Variants in MARCHF7 observed in about 807,000 individuals in gnomAD.
MARCHF7 encodes E3 ubiquitin-protein ligase MARCHF7.
In MARCHF7, 20 loss-of-function variants were observed where a neutral mutation model predicts 76.5. That is an observed-to-expected ratio of 0.26 (90% CI 0.18 to 0.38). The LOEUF is 0.38. MARCHF7 is among the 10% of genes least tolerant of loss of function. The pLI is 1.00. For missense variants in MARCHF7, 797 were observed against 812.9 expected, an observed-to-expected ratio of 0.98 and a Z score of 0.24; for synonymous variants, 295 against 293.0, an observed-to-expected ratio of 1.01 and a Z score of -0.07.
chr2:159,756,230 G>T (rs1269118086), intron 8 of MARCHF7, among the ~76,000 whole-genome samples: 2 of 152,202 alleles, frequency 1.3e-5, no homozygotes, highest in East Asian at 3.8e-4. Context: ...GAGGAAAACA[G>T]ATAATACAGG....
intron 11 of MARCHF7, among the ~76,000 whole-genome samples, chr2:159,765,085 C>T (rs1391114912): frequency 2.0e-5 from 3 of 151,964 alleles, no homozygotes; most frequent in Non-Finnish European, 2.9e-5. Flanking sequence ...AGAGATTATT[C>T]CTGGGCTTAC....
In MARCHF7 at chr2:159,767,355, C is replaced by A; in HGVS notation, c.*13C>A. 1 of 1,589,646 alleles carries A rather than the reference C, an allele frequency of 6.3e-7. No individual in the cohort carries two copies. The highest frequency in any genetic ancestry group is 8.6e-7 in the Non-Finnish European group (1 of 1,158,844). ...TGATATTGCCTAACTTCATATAAGACAGATGGATGATCTGTGAACATAAGT... is the reference window on the plus strand; with the variant it reads ...TGATATTGCCTAACTTCATATAAGAAAGATGGATGATCTGTGAACATAAGT... On this transcript the variant is annotated 3_prime_UTR_variant, in exon 12 of 12. Transcript: ENST00000409175.
At chr2:159,741,066 A>G (rs930890998) in intron 4 of MARCHF7, among the ~76,000 whole-genome samples, 2 of 152,190 alleles carry the variant, frequency 1.3e-5, no homozygotes, top group African/African-American at 4.8e-5. Flanking sequence ...AATAAAGTAT[A>G]AATAGTAATG....
In MARCHF7 at chr2:159,752,387, T is replaced by G; in HGVS notation, c.1614-15T>G. 1.9e-6 allele frequency: 3 copies of G among 1,561,888 alleles called. No individual in the cohort carries two copies. The highest frequency in any genetic ancestry group is 2.6e-6 in the Non-Finnish European group (3 of 1,155,628). ...TGAGTTATGATAGCTTTGGGAAATG[T>G]GCCTTCTTTTCCAGCCTCCTTTTAG... On this transcript the variant is annotated splice_polypyrimidine_tract_variant and intron_variant, in intron 7 of 11. Transcript: ENST00000409175.
intron 8 of MARCHF7, among the ~76,000 whole-genome samples, chr2:159,754,827 G>A (rs577925498): frequency 3.3e-5 from 5 of 152,284 alleles, no homozygotes; most frequent in Middle Eastern, 3.4e-3. Context: ...TGTTTTCTTA[G>A]AGGTAAGGTC....
At chr2:159,720,503 A>G (rs1701518151) in intron 3 of MARCHF7, among the ~76,000 whole-genome samples, 1 of 152,088 alleles carries the variant, frequency 6.6e-6, no homozygotes, top group African/African-American at 2.4e-5. Context: ...AAACACACTA[A>G]GCATAGTTTT....
intron 2 of MARCHF7, among the ~76,000 whole-genome samples, chr2:159,715,112 C>T (rs750613211): frequency 6.6e-6 from 1 of 152,108 alleles, no homozygotes; most frequent in Non-Finnish European, 1.5e-5. Flanking sequence ...TTAGACTTTA[C>T]TTTTAAACAA....
At chr2:159,756,173 T>C (rs755979683) in intron 8 of MARCHF7, among the ~76,000 whole-genome samples, 7 of 152,162 alleles carry the variant, frequency 4.6e-5, no homozygotes, top group East Asian at 1.9e-4. Context: ...AACAACAACT[T>C]GACTCAACTT....
At chr2:159,756,464 A>ATT (rs1706305002) in intron 8 of MARCHF7, among the ~76,000 whole-genome samples, 1 of 152,092 alleles carries the variant, frequency 6.6e-6, no homozygotes, top group Non-Finnish European at 1.5e-5. Flanking sequence ...AGGCAGGTGG[A>ATT]GCACCTGAGG....
At chr2:159,731,236 C>T (rs985586291) in intron 4 of MARCHF7, among the ~76,000 whole-genome samples, 1 of 152,130 alleles carries the variant, frequency 6.6e-6, no homozygotes, top group African/African-American at 2.4e-5. Flanking sequence ...GTTATAGTTA[C>T]ATGACAATGC....
In MARCHF7 at chr2:159,767,646, A is replaced by C. The variant is rs1357845743; in HGVS notation, c.*304A>C. The C allele has an allele frequency of 1.0e-5, 2 of 200,272 alleles. No individual in the cohort carries two copies. The highest frequency in any genetic ancestry group is 2.0e-5 in the Non-Finnish European group (2 of 99,948). The allele number at this position is 200,272 out of a possible 1,614,324, so 12.4% of individuals were successfully genotyped here. On this transcript the variant is annotated 3_prime_UTR_variant, in exon 12 of 12. Coordinates refer to ENST00000409175, the MANE Select transcript of MARCHF7 (RefSeq NM_001282805.2). Reference sequence around the variant, plus strand: ...TTAAATATCTAAGCAATGCCTATCAACCCTTTTTTGTGTTATGATTACTGT... The same window carrying C: ...TTAAATATCTAAGCAATGCCTATCACCCCTTTTTTGTGTTATGATTACTGT...
At chr2:159,727,337 C>T (rs1412735515) in intron 3 of MARCHF7, among the ~76,000 whole-genome samples, 1 of 152,176 alleles carries the variant, frequency 6.6e-6, no homozygotes, top group African/African-American at 2.4e-5. Context: ...CCTGTAATCC[C>T]AGCACTTTGG....
rs1174364770 is a variant in MARCHF7, at chr2:159,769,753, G to GC, written c.*2413dup. The GC allele has an allele frequency of 6.6e-6, 1 of 152,170 alleles. No homozygotes were observed. The allele number at this position is 152,170 out of a possible 1,614,324, so 9.4% of individuals were successfully genotyped here. A position where few individuals can be genotyped will look rare whatever the true frequency, so the allele number is the denominator to read the frequency against. ...TTAAAGCAGCTATTTTGGAAGAGCTGCCATTAGGTAGAAAGTATCAAAATG... is the reference window on the plus strand; with the variant it reads ...TTAAAGCAGCTATTTTGGAAGAGCTGCCCATTAGGTAGAAAGTATCAAAATG... On this transcript the variant is annotated 3_prime_UTR_variant, in exon 12 of 12. Coordinates refer to ENST00000409175, the MANE Select transcript of MARCHF7 (RefSeq NM_001282805.2).
intron 11 of MARCHF7, among the ~76,000 whole-genome samples, chr2:159,765,393 T>A (rs966009643): frequency 2.6e-5 from 4 of 152,142 alleles, no homozygotes; most frequent in African/African-American, 9.7e-5. Context: ...GTCCTGTAAC[T>A]TCCAGTGTGC....
intron 4 of MARCHF7, among the ~76,000 whole-genome samples, chr2:159,738,763 G>A (rs971772519): frequency 2.0e-5 from 3 of 152,176 alleles, no homozygotes; most frequent in Admixed American, 1.3e-4. Flanking sequence ...TTCTCACTCC[G>A]GTCCGTGGAA....
intron 8 of MARCHF7, among the ~76,000 whole-genome samples, chr2:159,756,230 G>A (rs1269118086): frequency 6.6e-6 from 1 of 152,202 alleles, no homozygotes; most frequent in Non-Finnish European, 1.5e-5. Flanking sequence ...GAGGAAAACA[G>A]ATAATACAGG....
Position 159,721,038 on chromosome 2 carries a change from T to C in MARCHF7, c.-15+5272T>C, listed in dbSNP as rs537411131. ...ACACACGGCTATTTTTTTTTTTTTTTCTGTATTTTTAGTAGAGGCGGTTTC... is the reference window on the plus strand; with the variant it reads ...ACACACGGCTATTTTTTTTTTTTTTCCTGTATTTTTAGTAGAGGCGGTTTC... On this transcript the variant is annotated intron_variant, in intron 3 of 11. Transcript: ENST00000409175. Among the ~76,000 whole-genome samples, 5 of 151,738 alleles carry C rather than the reference T, an allele frequency of 3.3e-5. No homozygotes were observed. The South Asian group carries it at 6.3e-4, about 19-fold the overall frequency.
chr2:159,745,097 TC>T (rs879502117), intron 5 of MARCHF7, among the ~76,000 whole-genome samples: 5 of 152,348 alleles, frequency 3.3e-5, no homozygotes, highest in Admixed American at 1.3e-4. Flanking sequence ...AGCATCACTT[TC>T]ATTGACTTTT....
At chr2:159,734,074 T>C in intron 4 of MARCHF7, 1 of 1,356,356 alleles carries the variant, frequency 7.4e-7, no homozygotes, top group Non-Finnish European at 9.7e-7. Flanking sequence ...TCTTATGTCT[T>C]TAGTAACAGT....
Sources: gnomAD v4.1 joint callset for allele counts (sites outside exome capture counted in the v4.1 genomes callset) on GRCh38, gnomAD v4.1.1 for gene constraint, MANE v1.5 for transcripts, NCBI Gene and HGNC (gene_info 2026-07-23, HGNC 2026-07-21) for gene names.